The following SEC22C variants were observed in gnomAD, a reference collection of about 807,000 sequenced individuals.
SEC22C encodes vesicle-trafficking protein SEC22c.
SEC22C carries 29 observed loss-of-function variants against 34.7 expected under a neutral mutation model. That is an observed-to-expected ratio of 0.84 (90% CI 0.62 to 1.14). SEC22C has a LOEUF of 1.14. Among genes scored for constraint, SEC22C ranks in the 50% most tolerant of loss-of-function variants. SEC22C has a pLI of 0.00. For missense variants in SEC22C, 337 were observed against 369.0 expected (o/e 0.91, Z 0.71); for synonymous variants, 117 against 132.8 (o/e 0.88, Z 0.82).
intron 5 of SEC22C, 132 bp from the exon 6 acceptor site, chr3:42,556,127 G>A: frequency 3.0e-6 from 2 of 670,576 alleles, no homozygotes; most frequent in Non-Finnish European, 2.6e-6. Context: ...TGAGACACAA[G>A]TTCCTGTTTA....
At chr3:42,588,381 G>A (rs1704694312) in intron 1 of SEC22C, among the ~76,000 whole-genome samples, 1 of 152,032 alleles carries the variant, frequency 6.6e-6, no homozygotes, top group African/African-American at 2.4e-5. Flanking sequence ...CTCCAGCTTG[G>A]GCAACAGAAT....
chr3:42,555,029 T>C (rs1217356799), intron 6 of SEC22C, among the ~76,000 whole-genome samples: 2 of 152,140 alleles, frequency 1.3e-5, no homozygotes, highest in East Asian at 3.9e-4. Context: ...CCTAGTCTTA[T>C]ATATGTATAT....
chr3:42,551,149 C>T lies in SEC22C; in HGVS notation c.*2099G>A, dbSNP rs1577282930. On this transcript the variant is annotated 3_prime_UTR_variant, in exon 7 of 7. Coordinates refer to ENST00000264454, the MANE Select transcript of SEC22C (RefSeq NM_032970.4). Reference sequence around the variant, plus strand: ...CCCAAAGTGTTATTGACTTTTAAAGCTTTTTTGTTCTTCTCATTTAAAACA... The same window carrying T: ...CCCAAAGTGTTATTGACTTTTAAAGTTTTTTTGTTCTTCTCATTTAAAACA... 1.0e-6 allele frequency: 1 copy of T among 985,282 alleles called. No homozygotes were observed. Among genetic ancestry groups the T allele is most frequent in the South Asian group, 4.7e-5 (1 of 21,272 alleles). The allele number at this position is 985,282 out of a possible 1,614,324, so 61.0% of individuals were successfully genotyped here. A position where few individuals can be genotyped will look rare whatever the true frequency, so the allele number is the denominator to read the frequency against.
chr3:42,550,419 C>A lies in SEC22C; in HGVS notation c.*2829G>T. 1.0e-6 allele frequency: 1 copy of A among 985,396 alleles called. No homozygotes were observed. The highest frequency in any genetic ancestry group is 1.2e-6 in the Non-Finnish European group (1 of 829,932). 61.0% of individuals were successfully genotyped at this position (985,396 alleles called of 1,614,324 possible). ...AAGGATCACACAAGAGGCTATAAACCTCCAACCCTGAACCAAGTCAAACCT... is the reference window on the plus strand; with the variant it reads ...AAGGATCACACAAGAGGCTATAAACATCCAACCCTGAACCAAGTCAAACCT... On this transcript the variant is annotated 3_prime_UTR_variant, in exon 7 of 7. Coordinates refer to ENST00000264454, the MANE Select transcript of SEC22C (RefSeq NM_032970.4).
intron 1 of SEC22C, among the ~76,000 whole-genome samples, chr3:42,579,034 T>C (rs1219802931): frequency 6.6e-6 from 1 of 152,092 alleles, no homozygotes; most frequent in Non-Finnish European, 1.5e-5. Flanking sequence ...TCCCAGCACT[T>C]TGGGAGGCAG....
At chr3:42,601,056 G>A in exon 1 of SEC22C, 1 of 1,576,744 alleles carries the variant, frequency 6.3e-7, no homozygotes, top group South Asian at 1.2e-5. Flanking sequence ...GAGATCAACC[G>A]GGAGCCGGGT....
In SEC22C at chr3:42,551,127, A is replaced by G. The variant is rs2125691472; in HGVS notation, c.*2121T>C. 2 of 985,228 alleles carry G rather than the reference A, an allele frequency of 2.0e-6. No individual in the cohort carries two copies. The highest frequency in any genetic ancestry group is 4.7e-5 in the South Asian group (1 of 21,280). 61.0% of individuals were successfully genotyped at this position (985,228 alleles called of 1,614,324 possible). On this transcript the variant is annotated 3_prime_UTR_variant, in exon 7 of 7. Coordinates refer to ENST00000264454, the MANE Select transcript of SEC22C (RefSeq NM_032970.4). ...CGTGATCTGCCCACCTCAGCTTCCC[A>G]AAGTGTTATTGACTTTTAAAGCTTT...
Position 42,551,036 on chromosome 3 carries a change from T to C in SEC22C, c.*2212A>G. ...GGCACAAGCCACCGTGCCCAGCTAA[T>C]TTTTGTATTTTTAGTAGAGATGGGG... On this transcript the variant is annotated 3_prime_UTR_variant, in exon 7 of 7. Transcript: ENST00000264454. The C allele has an allele frequency of 1.2e-6, 1 of 859,508 alleles. No individual in the cohort carries two copies. The highest frequency in any genetic ancestry group is 1.4e-6 in the Non-Finnish European group (1 of 715,312). 53.2% of individuals were successfully genotyped at this position (859,508 alleles called of 1,614,324 possible).
chr3:42,592,620 G>A (rs1270724063), intron 1 of SEC22C, among the ~76,000 whole-genome samples: 1 of 152,154 alleles, frequency 6.6e-6, no homozygotes, highest in Non-Finnish European at 1.5e-5. Context: ...TAGAATAGTA[G>A]AGATATCAGT....
At chr3:42,573,738 G>C (rs976304871) in intron 1 of SEC22C, among the ~76,000 whole-genome samples, 4 of 152,032 alleles carry the variant, frequency 2.6e-5, no homozygotes, top group Non-Finnish European at 4.4e-5. Context: ...TAGAAATATG[G>C]GGGGGAGGAG....
chr3:42,568,650 GA>G (rs56182942), intron 2 of SEC22C, among the ~76,000 whole-genome samples: 4,670 of 96,546 alleles, frequency 0.048, 121 homozygotes, highest in South Asian at 0.13. Context: ...TGCCTCAAAA[GA>G]AAAAAAAAAA....
chr3:42,552,492 G>C lies in SEC22C; in HGVS notation c.*756C>G, dbSNP rs1230376618. On this transcript the variant is annotated 3_prime_UTR_variant, in exon 7 of 7. Coordinates refer to ENST00000264454, the MANE Select transcript of SEC22C (RefSeq NM_032970.4). ...CTCATGCTGACAAACTTATCATCTA[G>C]AAGTACTGGTTATTCAATTAATTTT... The C allele has an allele frequency of 8.1e-6, 8 of 983,582 alleles. No homozygotes were observed. The highest frequency in any genetic ancestry group is 9.7e-6 in the Non-Finnish European group (8 of 828,414). 60.9% of individuals were successfully genotyped at this position (983,582 alleles called of 1,614,324 possible).
chr3:42,556,035 G>A (rs751218843), intron 5 of SEC22C, 40 bp from the exon 6 acceptor site: 1 of 1,505,588 alleles, frequency 6.6e-7, no homozygotes, highest in Non-Finnish European at 9.2e-7. Context: ...GGGATATTTA[G>A]ATGAAAGGAA....
chr3:42,565,583 G>T (rs924659219), intron 2 of SEC22C, among the ~76,000 whole-genome samples: 9 of 152,194 alleles, frequency 5.9e-5, no homozygotes. Flanking sequence ...CTAATGATCA[G>T]TATCCTTATA....
Position 42,568,872 on chromosome 3 carries a change from TAA to T in SEC22C, c.173_174del (p.Phe58Ter). Reference protein sequence around the residue: ...PGRGSAEGCDFSIHFSSFGDV... With the variant: ...PGRGSAEGCDXSIHFSSFGDV... ...GTGAATATGATCACTTACTGTATAC[TAA>T]AGTCACAACCTTCTGCAGAACCTCG... On this transcript the variant is annotated frameshift_variant, in exon 2 of 7. Transcript: ENST00000264454. LOFTEE classifies it high-confidence loss of function. 1.9e-6 allele frequency: 3 copies of T among 1,614,138 alleles called. No homozygotes were observed. Among genetic ancestry groups the T allele is most frequent in the Non-Finnish European group, 2.5e-6 (3 of 1,179,976 alleles).
intron 1 of SEC22C, chr3:42,591,657 A>T (rs979455145): frequency 6.7e-6 from 8 of 1,185,432 alleles, no homozygotes; most frequent in Non-Finnish European, 1.0e-5. Context: ...AGCCTGTGTG[A>T]TGCGGTGCTT....
rs141431943 is a variant in SEC22C, at chr3:42,568,989, C to T, written c.58G>A (p.Ala20Thr). The T allele has an allele frequency of 4.3e-6, 7 of 1,613,952 alleles. No individual in the cohort carries two copies. The highest frequency in any genetic ancestry group is 5.9e-6 in the Non-Finnish European group (7 of 1,180,030). ...TGGGTGTGGTAAAAATCAGTAGAGGCTGAGAGGGGCAGTCCATCCCTTACC... is the reference window on the plus strand; with the variant it reads ...TGGGTGTGGTAAAAATCAGTAGAGGTTGAGAGGGGCAGTCCATCCCTTACC... ...VRVRDGLPLS[A>T]STDFYHTQDF... The change falls in exon 2 of 7, where the codon GCC (alanine) becomes ACC (threonine). Residue 20 changes from alanine (A) to threonine (T), a missense_variant. Coordinates refer to ENST00000264454, the MANE Select transcript of SEC22C (RefSeq NM_032970.4).
intron 2 of SEC22C, among the ~76,000 whole-genome samples, chr3:42,568,650 G>GA (rs56182942): frequency 0.36 from 34,569 of 96,542 alleles, 5,014 homozygotes; most frequent in East Asian, 0.5. Flanking sequence ...TGCCTCAAAA[G>GA]AAAAAAAAAA....
chr3:42,571,644 A>G (rs1423388121), intron 1 of SEC22C, among the ~76,000 whole-genome samples: 1 of 152,216 alleles, frequency 6.6e-6, no homozygotes, highest in East Asian at 1.9e-4. Flanking sequence ...TTATCTTTAC[A>G]GGGATTTGAT....
Sources: gnomAD v4.1 joint callset for allele counts (sites outside exome capture counted in the v4.1 genomes callset) on GRCh38, gnomAD v4.1.1 for gene constraint, MANE v1.5 for transcripts, NCBI Gene and HGNC (gene_info 2026-07-23, HGNC 2026-07-21) for gene names.